Variants in L2HGDH observed in about 807,000 individuals in gnomAD.
The protein encoded by L2HGDH is L-2-hydroxyglutarate dehydrogenase, mitochondrial.
Under a neutral mutation model 51.5 loss-of-function variants are expected in L2HGDH, and 34 were observed. That is an observed-to-expected ratio of 0.66 (90% CI 0.50 to 0.88). L2HGDH has a LOEUF of 0.88. L2HGDH is among the 40% of genes least tolerant of loss of function. The pLI is 0.00. For missense variants in L2HGDH, 558 were observed against 571.9 expected, an observed-to-expected ratio of 0.98 and a Z score of 0.25; for synonymous variants, 198 against 197.9, an observed-to-expected ratio of 1.00 and a Z score of -0.01.
intron 9 of L2HGDH, among the ~76,000 whole-genome samples, chr14:50,261,906 A>C (rs1308098566): frequency 6.6e-6 from 1 of 152,166 alleles, no homozygotes; most frequent in Non-Finnish European, 1.5e-5. Flanking sequence ...TTATTGCCCA[A>C]AATGCTCTGG....
At chr14:50,255,958 G>A (rs1041075498) in intron 9 of L2HGDH, among the ~76,000 whole-genome samples, 5 of 151,452 alleles carry the variant, frequency 3.3e-5, no homozygotes, top group African/African-American at 9.7e-5. Flanking sequence ...AACCCAGATC[G>A]CACCACTGCA....
At chr14:50,257,243 T>A (rs1295185423) in intron 9 of L2HGDH, among the ~76,000 whole-genome samples, 1 of 152,122 alleles carries the variant, frequency 6.6e-6, no homozygotes, top group Non-Finnish European at 1.5e-5. Context: ...GTCTTTTAAT[T>A]TCTATGGATA....
chr14:50,287,220 C>T (rs1325671548), intron 4 of L2HGDH: 2 of 985,134 alleles, frequency 2.0e-6, no homozygotes, highest in African/African-American at 3.5e-5. Flanking sequence ...AGAACAATAT[C>T]CAGACTCATC....
At chr14:50,281,615 T>C (rs1220819283) in intron 5 of L2HGDH, among the ~76,000 whole-genome samples, 1 of 152,056 alleles carries the variant, frequency 6.6e-6, no homozygotes, top group African/African-American at 2.4e-5. Flanking sequence ...ATAAATAAAA[T>C]AAAAATAAAT....
rs1471769664 is a variant in L2HGDH at position 50,242,977 on chromosome 14, T to G, written c.*4081A>C. ...TTGGATTGCCTCCAAAAGTAGGCCC[T>G]ACAAACTCCCGTAGGCCAGGGCCTG... On this transcript the variant is annotated 3_prime_UTR_variant, in exon 10 of 10. Coordinates refer to ENST00000267436, the MANE Select transcript of L2HGDH (RefSeq NM_024884.3). 3 of 985,472 alleles carry G rather than the reference T, an allele frequency of 3.0e-6. No individual in the cohort carries two copies. The highest frequency in any genetic ancestry group is 3.6e-6 in the Non-Finnish European group (3 of 829,962). 61.0% of individuals were successfully genotyped at this position (985,472 alleles called of 1,614,324 possible).
At chr14:50,306,858 T>C (rs12880323) in intron 1 of L2HGDH, among the ~76,000 whole-genome samples, 87,277 of 151,816 alleles carry the variant, frequency 0.57, 25,089 homozygotes, top group East Asian at 0.66. Context: ...CTCTATTGCC[T>C]AGGTTGGAGT....
chr14:50,295,983 T>C (rs7151147), intron 3 of L2HGDH, among the ~76,000 whole-genome samples: 113,873 of 150,960 alleles, frequency 0.75, 43,855 homozygotes, highest in African/African-American at 0.93. Flanking sequence ...AGGTGGTCCA[T>C]CCACTTCGGC....
intron 9 of L2HGDH, among the ~76,000 whole-genome samples, chr14:50,264,938 T>C (rs1172084758): frequency 3.9e-5 from 6 of 152,222 alleles, no homozygotes; most frequent in African/African-American, 1.4e-4. Flanking sequence ...TATTACCTAA[T>C]TAGTTAACAT....
At chr14:50,307,338 G>T (rs1001787714) in intron 1 of L2HGDH, among the ~76,000 whole-genome samples, 4 of 152,142 alleles carry the variant, frequency 2.6e-5, no homozygotes, top group Admixed American at 2.0e-4. Context: ...CAAATCTGAA[G>T]AATCACTGTT....
chr14:50,276,672 A>C (rs1327655559), intron 6 of L2HGDH, among the ~76,000 whole-genome samples: 1 of 152,200 alleles, frequency 6.6e-6, no homozygotes, highest in South Asian at 2.1e-4. Flanking sequence ...ATGTGAGGAC[A>C]TAGTAAGAAG....
At chr14:50,302,282 G>C (rs1335878190) in intron 2 of L2HGDH, 114 bp from the exon 3 acceptor site, 4 of 1,135,474 alleles carry the variant, frequency 3.5e-6, no homozygotes, top group Non-Finnish European at 5.3e-6. Flanking sequence ...GTAAAATTCT[G>C]CCTGAATTTG....
rs1291741518 is a variant in L2HGDH at position 50,302,249 on chromosome 14, G to A, written c.257-81C>T. 7.7e-6 allele frequency: 11 copies of A among 1,425,538 alleles called. No homozygotes were observed. The Admixed American group carries it at 1.3e-4, about 17-fold the overall frequency. The allele number at this position is 1,425,538 out of a possible 1,614,324, so 88.3% of individuals were successfully genotyped here. A position where few individuals can be genotyped will look rare whatever the true frequency, so the allele number is the denominator to read the frequency against. ...GAGGTAAGAGAACAAACTTATAGTT[G>A]AAGCTATTAGAGACCACATCATGTA... On this transcript the variant is annotated intron_variant, in intron 2 of 9. Coordinates refer to ENST00000267436, the MANE Select transcript of L2HGDH (RefSeq NM_024884.3).
At chr14:50,301,815 G>C (rs945697660) in intron 3 of L2HGDH, among the ~76,000 whole-genome samples, 1 of 152,028 alleles carries the variant, frequency 6.6e-6, no homozygotes, top group Admixed American at 6.6e-5. Flanking sequence ...GAATTGTATG[G>C]TGCATAAATT....
At chr14:50,248,539 G>A (rs1051816733) in intron 9 of L2HGDH, among the ~76,000 whole-genome samples, 5 of 152,196 alleles carry the variant, frequency 3.3e-5, no homozygotes, top group African/African-American at 1.2e-4. Context: ...AAGAAACACA[G>A]AGAGATTAAG....
chr14:50,257,329 G>T (rs1266251744), intron 9 of L2HGDH, among the ~76,000 whole-genome samples: 1 of 151,628 alleles, frequency 6.6e-6, no homozygotes, highest in African/African-American at 2.4e-5. Flanking sequence ...CTTAAGGTAG[G>T]TCTAACCAGC....
chr14:50,302,666 C>T (rs1487245087), intron 2 of L2HGDH, among the ~76,000 whole-genome samples: 1 of 152,158 alleles, frequency 6.6e-6, no homozygotes, highest in Non-Finnish European at 1.5e-5. Context: ...TTCCTCACCC[C>T]CTCACTCCTG....
intron 6 of L2HGDH, among the ~76,000 whole-genome samples, chr14:50,272,227 C>T (rs757883728): frequency 9.2e-5 from 14 of 152,324 alleles, no homozygotes; most frequent in Middle Eastern, 3.4e-3. Flanking sequence ...CAAAATTATA[C>T]TTACTGAAAA....
chr14:50,291,753 C>T (rs1040072533), intron 4 of L2HGDH, among the ~76,000 whole-genome samples: 2 of 151,860 alleles, frequency 1.3e-5, no homozygotes. Context: ...TCTATCTTGT[C>T]TTTTTGCAGA....
At chr14:50,287,648 C>G (rs986126684) in intron 4 of L2HGDH, among the ~76,000 whole-genome samples, 8 of 117,144 alleles carry the variant, frequency 6.8e-5, no homozygotes, top group Admixed American at 8.3e-5. Context: ...ATTTTTGAAA[C>G]TTTTATTTTT....
Sources: allele counts gnomAD v4.1 joint callset (sites outside exome capture counted in the v4.1 genomes callset), GRCh38; gene constraint gnomAD v4.1.1; transcripts MANE v1.5; gene names NCBI Gene and HGNC (gene_info 2026-07-23, HGNC 2026-07-21).